TCF7L1: variants seen among roughly 807,000 people sequenced by gnomAD.
The protein encoded by TCF7L1 is transcription factor 7 like 1, also known as transcription factor 7-like 1.
A neutral mutation model predicts 63.7 loss-of-function variants in TCF7L1; 18 were observed. The ratio of observed to expected loss-of-function variants is 0.28; its 90% CI spans 0.20 to 0.42. The LOEUF is 0.42. TCF7L1 is among the 10% of genes least tolerant of loss of function. TCF7L1 has a pLI of 1.00. For synonymous variants in TCF7L1, 355 were observed against 340.9 expected (o/e 1.04, Z -0.46); for missense variants, 654 against 779.3 (o/e 0.84, Z 1.91).
At chr2:85,213,222 A>G (rs1679615846) in intron 3 of TCF7L1, among the ~76,000 whole-genome samples, 1 of 152,148 alleles carries the variant, frequency 6.6e-6, no homozygotes, top group South Asian at 2.1e-4. Flanking sequence ...CAGCCATGAC[A>G]AGGAACTGTA....
At chr2:85,148,641 C>T (rs1677935086) in intron 3 of TCF7L1, among the ~76,000 whole-genome samples, 1 of 151,918 alleles carries the variant, frequency 6.6e-6, no homozygotes, top group African/African-American at 2.4e-5. Context: ...CATAGAATCT[C>T]CAGGATATAA....
At chr2:85,253,957 G>T (rs1466782992) in intron 3 of TCF7L1, among the ~76,000 whole-genome samples, 3 of 152,258 alleles carry the variant, frequency 2.0e-5, no homozygotes, top group African/African-American at 4.8e-5. Flanking sequence ...GCAGGGAGTG[G>T]CAGCAGGAGA....
intron 3 of TCF7L1, among the ~76,000 whole-genome samples, chr2:85,219,698 AGT>A (rs1303307264): frequency 1.3e-5 from 2 of 152,194 alleles, no homozygotes; most frequent in Non-Finnish European, 2.9e-5. Context: ...TGGGCAGCAT[AGT>A]GAGACCTCAT....
At position 85,303,973 on chromosome 2, in the gene TCF7L1, A is replaced by ACCCCCCC; in HGVS notation, c.742_743insCCCCCCC (p.Leu248ProfsTer122). On this transcript the variant is annotated frameshift_variant, in exon 6 of 12. Transcript: ENST00000282111. LOFTEE classifies it high-confidence loss of function. Reference sequence around the variant, plus strand: ...CCCGGAGCTGTCGGACAAATCCCCCACCCCCTCGGCTGGCTCGTCCCACAG... The same window carrying ACCCCCCC: ...CCCGGAGCTGTCGGACAAATCCCCCACCCCCCCCCCCCTCGGCTGGCTCGTCCCACAG... The ACCCCCCC allele has an allele frequency of 7.7e-7, 1 of 1,302,224 alleles. No individual in the cohort carries two copies. Among genetic ancestry groups the ACCCCCCC allele is most frequent in the South Asian group, 1.5e-5 (1 of 67,648 alleles). The allele number at this position is 1,302,224 out of a possible 1,614,324, so 80.7% of individuals were successfully genotyped here. A position where few individuals can be genotyped will look rare whatever the true frequency, so the allele number is the denominator to read the frequency against.
chr2:85,159,553 G>GA (rs1678232623), intron 3 of TCF7L1, among the ~76,000 whole-genome samples: 1 of 152,250 alleles, frequency 6.6e-6, no homozygotes, highest in Admixed American at 6.5e-5. Flanking sequence ...GAATGTGAAA[G>GA]GAAACAGGTT....
At chr2:85,229,770 G>T (rs571817289) in intron 3 of TCF7L1, among the ~76,000 whole-genome samples, 2 of 152,334 alleles carry the variant, frequency 1.3e-5, no homozygotes, top group South Asian at 2.1e-4. Context: ...CACTTTGGAA[G>T]ACTGAAGTAG....
At chr2:85,304,454 C>A (rs572257989) in intron 7 of TCF7L1, 116 bp downstream of exon 7, 5 of 1,068,560 alleles carry the variant, frequency 4.7e-6, no homozygotes, top group East Asian at 2.6e-5. Flanking sequence ...ACCCTCCCCC[C>A]ACCTCTCTTT....
rs111866180 is a variant in TCF7L1 at position 85,150,257 on chromosome 2, G to A, written c.441+15807G>A. Among the ~76,000 whole-genome samples the A allele has an allele frequency of 1.2e-4, 18 of 146,304 alleles. No homozygotes were observed. In the East Asian group the frequency reaches 1.8e-3, roughly 15 times the overall value. On this transcript the variant is annotated intron_variant, in intron 3 of 11. Coordinates refer to ENST00000282111, the MANE Select transcript of TCF7L1 (RefSeq NM_031283.3). ...GACTCTTTTTTTTTTTTTTTGAGAC[G>A]GAGTCTCGCTCTGTCGCCCGGGCTG...
intron 3 of TCF7L1, among the ~76,000 whole-genome samples, chr2:85,274,956 C>G (rs1681238547): frequency 6.6e-6 from 1 of 152,194 alleles, no homozygotes; most frequent in Non-Finnish European, 1.5e-5. Context: ...GTGAGATAAT[C>G]ACTCTGCCAG....
chr2:85,197,910 C>T (rs1413733233), intron 3 of TCF7L1, among the ~76,000 whole-genome samples: 2 of 152,136 alleles, frequency 1.3e-5, no homozygotes, highest in Non-Finnish European at 2.9e-5. Context: ...GGGTAACTTA[C>T]TTCAGTGAGC....
intron 3 of TCF7L1, among the ~76,000 whole-genome samples, chr2:85,167,530 A>G (rs1678447516): frequency 6.6e-6 from 1 of 152,106 alleles, no homozygotes; most frequent in South Asian, 2.1e-4. Flanking sequence ...TGGCTAAAGG[A>G]AATGTGGGCT....
At chr2:85,301,521 G>A (rs1681973492) in intron 4 of TCF7L1, among the ~76,000 whole-genome samples, 1 of 152,220 alleles carries the variant, frequency 6.6e-6, no homozygotes, top group Admixed American at 6.5e-5. Flanking sequence ...AGAACGCACA[G>A]GTTTTTCCCA....
intron 7 of TCF7L1, 36 bp downstream of exon 7, chr2:85,304,374 C>T (rs368944396): frequency 1.1e-5 from 18 of 1,603,294 alleles, no homozygotes; most frequent in Non-Finnish European, 1.4e-5. Context: ...GCATGTTTGT[C>T]TTAGCAACCA....
At position 85,289,918 on chromosome 2, in the gene TCF7L1, C is replaced by T. The variant is rs147643676; in HGVS notation, c.525+6340C>T. On this transcript the variant is annotated intron_variant, in intron 4 of 11. Transcript: ENST00000282111. Reference sequence around the variant, plus strand: ...GGCACTCCTGGCCTCACGGGATCCGCGCACCTCAGCCTCCCAAAGTGCTGG... The same window carrying T: ...GGCACTCCTGGCCTCACGGGATCCGTGCACCTCAGCCTCCCAAAGTGCTGG... Among the ~76,000 whole-genome samples the T allele has an allele frequency of 4.6e-3, 694 of 151,558 alleles. 9 individuals carry two copies. The highest frequency in any genetic ancestry group is 0.015 in the African/African-American group (614 of 41,302).
At chr2:85,180,301 G>T (rs1259389585) in intron 3 of TCF7L1, among the ~76,000 whole-genome samples, 12 of 149,818 alleles carry the variant, frequency 8.0e-5, no homozygotes, top group Non-Finnish European at 1.6e-4. Context: ...TTGAGCTCCT[G>T]GCCTCAAGTG....
At chr2:85,210,829 G>A (rs190127680) in intron 3 of TCF7L1, among the ~76,000 whole-genome samples, 5 of 152,252 alleles carry the variant, frequency 3.3e-5, no homozygotes, top group African/African-American at 9.6e-5. Flanking sequence ...TGGCGATTTC[G>A]GTCAGCATCA....
chr2:85,271,207 G>A (rs1008397358), intron 3 of TCF7L1, among the ~76,000 whole-genome samples: 2 of 152,054 alleles, frequency 1.3e-5, no homozygotes, highest in African/African-American at 4.8e-5. Flanking sequence ...CTGCCTCCCA[G>A]ATTCAAGCAG....
At chr2:85,293,083 A>G (rs1389488678) in intron 4 of TCF7L1, among the ~76,000 whole-genome samples, 1 of 152,214 alleles carries the variant, frequency 6.6e-6, no homozygotes, top group Non-Finnish European at 1.5e-5. Flanking sequence ...GGCATGTGGC[A>G]GATACAAAAG....
At chr2:85,232,743 C>T (rs774757635) in intron 3 of TCF7L1, among the ~76,000 whole-genome samples, 2 of 152,074 alleles carry the variant, frequency 1.3e-5, no homozygotes, top group African/African-American at 2.4e-5. Context: ...CATCCAATCC[C>T]GGTTGTCATT....
Sources: gnomAD v4.1 joint callset for allele counts (sites outside exome capture counted in the v4.1 genomes callset) on GRCh38, gnomAD v4.1.1 for gene constraint, MANE v1.5 for transcripts, NCBI Gene and HGNC (gene_info 2026-07-23, HGNC 2026-07-21) for gene names.